Variants in COL20A1 observed in about 807,000 individuals in gnomAD.
COL20A1 encodes the protein collagen type XX alpha 1 chain, also known as collagen alpha-1(XX) chain.
COL20A1 carries 164 observed loss-of-function variants against 152.9 expected under a neutral mutation model. The observed-to-expected ratio is 1.07, with a 90% CI of 0.94 to 1.22. The LOEUF is 1.22. COL20A1 is among the 50% of genes most tolerant of loss of function. The probability of loss-of-function intolerance (pLI) is 0.00; values close to 1 mark genes in which losing one functional copy is unlikely to be tolerated. For missense variants in COL20A1, 1,873 were observed against 1,744.8 expected, an observed-to-expected ratio of 1.07 and a Z score of -1.31; for synonymous variants, 864 against 756.0, an observed-to-expected ratio of 1.14 and a Z score of -2.34.
At chr20:63,298,920 C>T (rs568339212) in intron 3 of COL20A1, among the ~76,000 whole-genome samples, 3 of 152,234 alleles carry the variant, frequency 2.0e-5, no homozygotes, top group Non-Finnish European at 4.4e-5. Flanking sequence ...TCCCGGGTGC[C>T]CCGGTGCCCT....
chr20:63,310,299 C>T, intron 10 of COL20A1, 82 bp from the exon 11 acceptor site: 1 of 1,497,660 alleles, frequency 6.7e-7, no homozygotes, highest in East Asian at 2.4e-5. Context: ...TGAGCTCACA[C>T]TCCAGCTGAC....
intron 27 of COL20A1, among the ~76,000 whole-genome samples, chr20:63,323,604 A>G (rs2068200985): frequency 6.6e-6 from 1 of 152,086 alleles, no homozygotes; most frequent in African/African-American, 2.4e-5. Context: ...TGAGTCGTTC[A>G]TTACACAGCC....
chr20:63,321,246 C>G (rs2068158800), intron 26 of COL20A1, 147 bp downstream of exon 26: 10 of 603,140 alleles, frequency 1.7e-5, no homozygotes, highest in Middle Eastern at 4.3e-4. Flanking sequence ...GAGCCTCTTC[C>G]CTGCTGTGCC....
At position 63,299,653 on chromosome 20, in the gene COL20A1, A is replaced by G. The variant is rs573996060; in HGVS notation, c.193+1633A>G. ...TGCCTTTTCCAGATAGATGGACCTT[A>G]TCAGGTTCAGTCCTGTGCTGTTCCT... On this transcript the variant is annotated intron_variant, in intron 3 of 35. Coordinates refer to ENST00000358894, the MANE Select transcript of COL20A1 (RefSeq NM_020882.4). Among the ~76,000 whole-genome samples, 275 of 152,246 alleles carry G rather than the reference A, an allele frequency of 1.8e-3. 1 individual carries two copies. The highest frequency in any genetic ancestry group is 6.2e-3 in the African/African-American group (256 of 41,542).
rs2068369209 is a variant in COL20A1 at position 63,334,416 on chromosome 20, T to C, written c.*3700T>C. 6.6e-6 allele frequency: 1 copy of C among 152,196 alleles called. No individual in the cohort carries two copies. Among genetic ancestry groups the C allele is most frequent in the African/African-American group, 2.4e-5 (1 of 41,422 alleles). 9.4% of individuals were successfully genotyped at this position (152,196 alleles called of 1,614,324 possible). ...ATAGCTGTAAATACAGTGCTTTGTT[T>C]TGTTTTCTTGTTTTTTGAGACAAGG... is the stretch of plus-strand genomic sequence containing the variant. On this transcript the variant is annotated 3_prime_UTR_variant, in exon 36 of 36. Coordinates refer to ENST00000358894, the MANE Select transcript of COL20A1 (RefSeq NM_020882.4).
chr20:63,309,343 C>T lies in COL20A1; in HGVS notation c.951C>T (p.Asn317=), dbSNP rs759646608. 1.3e-5 allele frequency: 19 copies of T among 1,494,504 alleles called. No individual in the cohort carries two copies. Among genetic ancestry groups the T allele is most frequent in the South Asian group, 4.0e-5 (3 of 75,018 alleles). The allele number at this position is 1,494,504 out of a possible 1,614,324, so 92.6% of individuals were successfully genotyped here. The stretch of plus-strand genomic sequence containing the variant: ...CCTCCTCACGAGCAGGTGTGAAGAA[C>T]GCCGATGAGGCTGAGCTGAGGCTCC... ...GVNVFAVGVK[N]ADEAELRLLA... is the part of the protein sequence containing the mutation. Residue 317 remains asparagine (N), a synonymous_variant, in exon 9 of 36, where the codon AAC becomes AAT. Transcript: ENST00000358894.
In COL20A1 at chr20:63,320,352, G is replaced by T. The variant is rs754585069; in HGVS notation, c.3137G>T (p.Cys1046Phe). 9.3e-6 allele frequency: 15 copies of T among 1,611,188 alleles called. No individual in the cohort carries two copies. The highest frequency in any genetic ancestry group is 5.5e-5 in the South Asian group (5 of 91,088). Residue 1046 changes from cysteine (C) to phenylalanine (F), a missense_variant, in exon 25 of 36, where the codon TGT becomes TTT. Transcript: ENST00000358894. ...ACCTGGGCCGATGAGGACCGGTGCT[G>T]TGAGCTCCCTGCCTCGGTGTGCCCC... ...SDTWADEDRC[C>F]ELPASRDGET...
At chr20:63,315,130 C>A (rs1051132708) in intron 19 of COL20A1, among the ~76,000 whole-genome samples, 2 of 152,252 alleles carry the variant, frequency 1.3e-5, no homozygotes, top group African/African-American at 4.8e-5. Flanking sequence ...AGTGAGATGC[C>A]TGGTACGACC....
Position 63,316,577 on chromosome 20 carries a change from G to A in COL20A1, c.2549G>A (p.Ser850Asn), listed in dbSNP as rs1339400122. Residue 850 changes from serine to asparagine, a missense_variant, in exon 21 of 36, where the codon AGC (serine) becomes AAC (asparagine). Physicochemically the swap from Ser to Asn is conservative, Grantham distance 46. Coordinates refer to ENST00000358894, the MANE Select transcript of COL20A1 (RefSeq NM_020882.4). ...GGGTTTGACCTGATGGTGGCCTTCA[G>A]CCTGGTGGAAAAGGCTTATGCGTCC... ...LPGFDLMVAF[S>N]LVEKAYASIR... 1.3e-6 allele frequency: 2 copies of A among 1,590,326 alleles called. No individual in the cohort carries two copies. Among genetic ancestry groups the A allele is most frequent in the South Asian group, 1.1e-5 (1 of 87,284 alleles).
At position 63,316,085 on chromosome 20, in the gene COL20A1, C is replaced by T. The variant is rs976066854; in HGVS notation, c.2525-468C>T. ...CAGGGTGGATGGAGCGAGCTGGCCA[C>T]GCTGTGTGCCAGCAAAGGGGAACTC... On this transcript the variant is annotated intron_variant, in intron 20 of 35. Transcript: ENST00000358894. Among the ~76,000 whole-genome samples the T allele has an allele frequency of 7.9e-5, 12 of 152,110 alleles. No individual in the cohort carries two copies. In the South Asian group the frequency reaches 2.5e-3, roughly 32 times the overall value.
At chr20:63,326,956 T>G in intron 31 of COL20A1, 133 bp downstream of exon 31, 3 of 571,964 alleles carry the variant, frequency 5.2e-6, no homozygotes, top group Non-Finnish European at 5.8e-6. Context: ...GGACTTCCTG[T>G]TGACAGCCCA....
In COL20A1 at chr20:63,308,089, A is replaced by AAG. The variant is rs2067952939; in HGVS notation, c.774_775insAG (p.Gly259ArgfsTer5). 1 of 1,603,874 alleles carries AAG rather than the reference A, an allele frequency of 6.2e-7. No homozygotes were observed. The highest frequency in any genetic ancestry group is 8.5e-7 in the Non-Finnish European group (1 of 1,179,570). On this transcript the variant is annotated frameshift_variant and splice_region_variant, in exon 7 of 36. Coordinates refer to ENST00000358894, the MANE Select transcript of COL20A1 (RefSeq NM_020882.4). LOFTEE classifies it high-confidence loss of function. ...GCTACAAGGGGGGGAACACGTTCAC[A>AAG]GGTACGGCCCAGGCCTGCCCCTCCC... is the stretch of plus-strand genomic sequence containing the variant.
chr20:63,307,784 T>A, intron 6 of COL20A1, 136 bp downstream of exon 6: 1 of 1,161,052 alleles, frequency 8.6e-7, no homozygotes, highest in Non-Finnish European at 1.2e-6. Context: ...CTGCTCCACA[T>A]GGGGTGTTCT....
rs1202515862 is a variant in COL20A1, at chr20:63,325,701, G to A, written c.3382G>A (p.Val1128Ile). Residue 1128 changes from valine to isoleucine, a missense_variant, in exon 29 of 36, where the codon GTT (valine) becomes ATT (isoleucine). Coordinates refer to ENST00000358894, the MANE Select transcript of COL20A1 (RefSeq NM_020882.4). ...CGGCCACCAGGGCATCCCCGGGAGA[G>A]TTGGCCTCCAGGGACCAAAGGTGCC... ...HPGHQGIPGRVGLQGPKGMRG... is the reference protein window; with the variant it reads ...HPGHQGIPGRIGLQGPKGMRG... 1.2e-6 allele frequency: 2 copies of A among 1,611,878 alleles called. No individual in the cohort carries two copies. Among genetic ancestry groups the A allele is most frequent in the Non-Finnish European group, 1.7e-6 (2 of 1,179,620 alleles).
intron 19 of COL20A1, among the ~76,000 whole-genome samples, chr20:63,314,591 G>A (rs569311360): frequency 1.3e-5 from 2 of 152,268 alleles, no homozygotes; most frequent in Admixed American, 6.5e-5. Flanking sequence ...TGGCTTGCAC[G>A]CCCTTGGGGA....
chr20:63,307,094 G>A lies in COL20A1; in HGVS notation c.497-396G>A, dbSNP rs995257436. On this transcript the variant is annotated intron_variant, in intron 5 of 35. Transcript: ENST00000358894. ...CTGCTCCTGCAAAACCCCGGGGAGC[G>A]CCAGACCGGGGATGGCGGCTTTGCC... Among the ~76,000 whole-genome samples, 5 of 152,338 alleles carry A rather than the reference G, an allele frequency of 3.3e-5. No individual in the cohort carries two copies. The East Asian group carries it at 5.8e-4, about 18-fold the overall frequency.
intron 35 of COL20A1, 22 bp downstream of exon 35, chr20:63,329,683 C>T: frequency 6.6e-7 from 1 of 1,504,462 alleles, no homozygotes; most frequent in Non-Finnish European, 8.8e-7. Flanking sequence ...CTGCCTGCAT[C>T]TATCTGCCAA....
chr20:63,312,948 G>T lies in COL20A1; in HGVS notation c.2076+14G>T. On this transcript the variant is annotated intron_variant, in intron 16 of 35. Transcript: ENST00000358894. ...AAGGCTCACGAGGTGGGCAGGGGTG[G>T]GTTTGTCCTTCCGAGGGGCCCCCCG... The T allele has an allele frequency of 6.5e-7, 1 of 1,539,136 alleles. No homozygotes were observed. The highest frequency in any genetic ancestry group is 8.8e-7 in the Non-Finnish European group (1 of 1,137,838).
At position 63,309,322 on chromosome 20, in the gene COL20A1, C is replaced by T; in HGVS notation, c.941-11C>T. 1 of 1,454,372 alleles carries T rather than the reference C, an allele frequency of 6.9e-7. No individual in the cohort carries two copies. Among genetic ancestry groups the T allele is most frequent in the East Asian group, 2.6e-5 (1 of 38,516 alleles). 90.1% of individuals were successfully genotyped at this position (1,454,372 alleles called of 1,614,324 possible). A position where few individuals can be genotyped will look rare whatever the true frequency, so the allele number is the denominator to read the frequency against. On this transcript the variant is annotated splice_polypyrimidine_tract_variant and intron_variant, in intron 8 of 35. Transcript: ENST00000358894. ...AGTGCAGGCCAACCCCACCTCCCTC[C>T]TCACGAGCAGGTGTGAAGAACGCCG...
Sources: gnomAD v4.1 joint callset for allele counts (sites outside exome capture counted in the v4.1 genomes callset) on GRCh38, gnomAD v4.1.1 for gene constraint, MANE v1.5 for transcripts, NCBI Gene and HGNC (gene_info 2026-07-23, HGNC 2026-07-21) for gene names.